Variants in SEZ6L2 observed in about 807,000 individuals in gnomAD.
SEZ6L2 encodes the protein seizure 6-like protein 2.
A neutral mutation model predicts 97.0 loss-of-function variants in SEZ6L2; 44 were observed. The ratio of observed to expected loss-of-function variants is 0.45; its 90% confidence interval spans 0.36 to 0.58. The LOEUF (loss-of-function observed/expected upper bound fraction) is 0.58, where lower values mean the gene tolerates loss of function less well. Ranked by LOEUF, SEZ6L2 falls within the 20% of genes least tolerant of loss-of-function variation. The pLI is 0.00. For missense variants in SEZ6L2, 1,086 were observed against 1,233.3 expected (o/e 0.88, Z 1.79); for synonymous variants, 543 against 546.1 (o/e 0.99, Z 0.08).
chr16:29,885,461 G>A, intron 8 of SEZ6L2, 125 bp downstream of exon 8: 1 of 1,039,094 alleles, frequency 9.6e-7, no homozygotes, highest in Non-Finnish European at 1.4e-6. Context: ...AGGGAAGCGA[G>A]TCACGTTTCA....
chr16:29,877,347 G>T lies in SEZ6L2; in HGVS notation c.1833C>A (p.Asp611Glu), dbSNP rs1304809994. Reference protein sequence around the residue: ...PRRRLLSSGPDLTLQFQAPPG... With the variant: ...PRRRLLSSGPELTLQFQAPPG... ...GCGGTGCCTGAAACTGCAGTGTGAG[G>T]TCGGGCCCAGAGGAGAGAAGGCGGC... Residue 611 changes from aspartate to glutamate, a missense_variant, in exon 11 of 18, where the codon GAC becomes GAA. Physicochemically the swap from Asp to Glu is conservative, Grantham distance 45 (BLOSUM62 2). This residue lies in a region of SEZ6L2 where 310 missense variants were observed against 438.6 expected (regional missense o/e 0.71). Transcript: ENST00000617533. 4 of 1,613,186 alleles carry T rather than the reference G, an allele frequency of 2.5e-6. No homozygotes were observed. Among genetic ancestry groups the T allele is most frequent in the Non-Finnish European group, 3.4e-6 (4 of 1,179,666 alleles).
At position 29,873,466 on chromosome 16, in the gene SEZ6L2, C is replaced by T; in HGVS notation, c.2297-35G>A. 6.2e-7 allele frequency: 1 copy of T among 1,614,046 alleles called. No individual in the cohort carries two copies. Among genetic ancestry groups the T allele is most frequent in the Non-Finnish European group, 8.5e-7 (1 of 1,179,924 alleles). ...GCATGCCAGTCACGTGCCAGCTGCA[C>T]TACTGTGCACGGGGCAGACGGGCTC... On this transcript the variant is annotated intron_variant, in intron 13 of 17. Transcript: ENST00000617533. The surrounding 1 kb of genome is among the most constrained non-coding windows in gnomAD (Gnocchi z 4.3).
Position 29,899,086 on chromosome 16 carries a change from C to A in SEZ6L2, c.-67G>T. ...AATCTGGCTGCCACCTTTCCTCCGT[C>A]TCCGTTTATCTTTCCCTTTAATTGT... On this transcript the variant is annotated 5_prime_UTR_variant, in exon 1 of 18. Coordinates refer to ENST00000617533, the MANE Select transcript of SEZ6L2 (RefSeq NM_001243332.2). The A allele has an allele frequency of 1.2e-5, 12 of 964,334 alleles. No individual in the cohort carries two copies. Among genetic ancestry groups the A allele is most frequent in the Non-Finnish European group, 1.9e-5 (12 of 641,636 alleles). 59.7% of individuals were successfully genotyped at this position (964,334 alleles called of 1,614,324 possible). A position where few individuals can be genotyped will look rare whatever the true frequency, so the allele number is the denominator to read the frequency against.
rs1275727649 is a variant in SEZ6L2, at chr16:29,886,505, C to G, written c.1209-756G>C. 2.0e-5 allele frequency among the ~76,000 whole-genome samples: 3 copies of G among 151,142 alleles called. No individual in the cohort carries two copies. In the East Asian group the frequency reaches 5.8e-4, roughly 29 times the overall value. The stretch of plus-strand genomic sequence containing the variant: ...CCTGGCTAACACGGTGAAACCCCAA[C>G]TCTACTAAAAAAAAAAGTACAAAAA... On this transcript the variant is annotated intron_variant, in intron 7 of 17. Transcript: ENST00000617533.
chr16:29,888,551 G>A lies in SEZ6L2; in HGVS notation c.1028C>T (p.Pro343Leu), dbSNP rs1423705655. Residue 343 changes from proline to leucine, a missense_variant, in exon 6 of 18, where the codon CCC becomes CTC. Physicochemically the swap from Pro to Leu is moderately conservative, Grantham distance 98. Transcript: ENST00000617533. ...GGCAGGAGACTCACCCATGCAGCTG[G>A]GGGTTTCACCGTTCCAGGATGGCCG... ...GTRPSWNGET[P>L]SCMASCGGTI... is the part of the protein sequence containing the mutation. The A allele has an allele frequency of 1.9e-6, 3 of 1,613,790 alleles. No individual in the cohort carries two copies. In the African/African-American group the frequency reaches 4.0e-5, roughly 22 times the overall value.
chr16:29,872,242 G>A lies in SEZ6L2; in HGVS notation c.2687C>T (p.Ser896Phe), dbSNP rs139955633. Residue 896 changes from serine to phenylalanine, a missense_variant, in exon 17 of 18, where the codon TCC becomes TTC. This residue lies in a region of SEZ6L2 where 310 missense variants were observed against 438.6 expected (regional missense o/e 0.71). Coordinates refer to ENST00000617533, the MANE Select transcript of SEZ6L2 (RefSeq NM_001243332.2). Reference sequence around the variant, plus strand: ...CGACTCCACGGTGATGGGGCTGTAGGAGTGGGAGCCCGAGAAGCCGAAAAG... The same window carrying A: ...CGACTCCACGGTGATGGGGCTGTAGAAGTGGGAGCCCGAGAAGCCGAAAAG... ...KSLFGFSGSHSYSPITVESDF... is the reference protein window; with the variant it reads ...KSLFGFSGSHFYSPITVESDF... The A allele has an allele frequency of 6.2e-7, 1 of 1,612,870 alleles. No homozygotes were observed. The highest frequency in any genetic ancestry group is 1.7e-5 in the Admixed American group (1 of 59,748).
At position 29,897,924 on chromosome 16, in the gene SEZ6L2, G is replaced by GC; in HGVS notation, c.139dup (p.Ala47GlyfsTer3). On this transcript the variant is annotated frameshift_variant, in exon 2 of 18. Transcript: ENST00000617533. LOFTEE classifies it high-confidence loss of function. ...AAGCAGTTCAGCCAGGGCCTCAGAG[G>GC]CCACCGTGGGGGTCTCACTTCCAGG... 6.2e-7 allele frequency: 1 copy of GC among 1,613,598 alleles called. No individual in the cohort carries two copies.
chr16:29,897,039 C>A lies in SEZ6L2; in HGVS notation c.294G>T (p.Pro98=). 2 of 1,580,468 alleles carry A rather than the reference C, an allele frequency of 1.3e-6. No homozygotes were observed. The highest frequency in any genetic ancestry group is 1.7e-6 in the Non-Finnish European group (2 of 1,169,820). The stretch of plus-strand genomic sequence containing the variant: ...CGGCTGTTGTCAGAGGCCCTGTCCC[C>A]GGCTCAGTGGCCCGTGGCAGGGAGG... ...AVPSLPRATE[P]GTGPLTTAVT... Residue 98 remains proline, a synonymous_variant, in exon 3 of 18, where the codon CCG becomes CCT. Coordinates refer to ENST00000617533, the MANE Select transcript of SEZ6L2 (RefSeq NM_001243332.2).
At chr16:29,888,804 C>G (rs1259301115) in intron 5 of SEZ6L2, 79 bp from the exon 6 acceptor site, 5 of 1,336,968 alleles carry the variant, frequency 3.7e-6, no homozygotes, top group Non-Finnish European at 5.1e-6. Flanking sequence ...CACTTCCCCC[C>G]TCTCCTTTCA....
Position 29,887,805 on chromosome 16 carries a change from C to T in SEZ6L2, c.1052G>A (p.Gly351Asp), listed in dbSNP as rs550674684. The T allele has an allele frequency of 1.5e-5, 25 of 1,613,676 alleles. No individual in the cohort carries two copies. The South Asian group carries it at 2.7e-4, about 18-fold the overall frequency. ...GCCCAGGGTGGCATTGTGGATGGTG[C>T]CACCACAGGATGCTGTGGGCAGAGG... ...ETPSCMASCG[G>D]TIHNATLGRI... Residue 351 changes from glycine (G) to aspartate (D), a missense_variant, in exon 7 of 18, where the codon GGC (glycine) becomes GAC (aspartate). Gly to Asp is a moderately conservative substitution (Grantham distance 94, BLOSUM62 -1). Coordinates refer to ENST00000617533, the MANE Select transcript of SEZ6L2 (RefSeq NM_001243332.2).
Position 29,873,221 on chromosome 16 carries a change from GC to G in SEZ6L2, c.2488+18del. On this transcript the variant is annotated intron_variant, in intron 14 of 17. Transcript: ENST00000617533. This position sits in a 1 kb window ranked among gnomAD's most constrained non-coding sequence, Gnocchi z 4.3. Reference sequence around the variant, plus strand: ...TCCCGGACACTGGTGTGCCCCTCCTGCCCTGTCTGGCCAGGCACCTTTGCAG... The same window carrying G: ...TCCCGGACACTGGTGTGCCCCTCCTGCCTGTCTGGCCAGGCACCTTTGCAG... The G allele has an allele frequency of 6.2e-7, 1 of 1,612,770 alleles. No individual in the cohort carries two copies.
chr16:29,893,868 G>A (rs1215244019), intron 5 of SEZ6L2, among the ~76,000 whole-genome samples: 11 of 151,990 alleles, frequency 7.2e-5, no homozygotes, highest in Non-Finnish European at 5.9e-5. Context: ...CGCTGTTTGT[G>A]TTTTTGTTTG....
chr16:29,874,261 A>AACCACCAT (rs1354081198), intron 12 of SEZ6L2, among the ~76,000 whole-genome samples: 2 of 152,178 alleles, frequency 1.3e-5, no homozygotes, highest in Non-Finnish European at 2.9e-5. Context: ...CAAAATATTT[A>AACCACCAT]ACCACCATAC....
intron 8 of SEZ6L2, among the ~76,000 whole-genome samples, 170 bp from the exon 9 acceptor site, chr16:29,880,234 C>A (rs1200928680): frequency 6.6e-6 from 1 of 151,602 alleles, no homozygotes; most frequent in African/African-American, 2.4e-5. Flanking sequence ...ACAACCTTGG[C>A]TCACTGCAGC....
chr16:29,892,180 G>A (rs997832920), intron 5 of SEZ6L2, among the ~76,000 whole-genome samples: 2 of 152,228 alleles, frequency 1.3e-5, no homozygotes, highest in Non-Finnish European at 2.9e-5. Context: ...TGGCTTTTCA[G>A]AGAAACTAAT....
Position 29,899,242 on chromosome 16 carries a change from T to A in SEZ6L2, c.-223A>T. 1 of 516,080 alleles carries A rather than the reference T, an allele frequency of 1.9e-6. No individual in the cohort carries two copies. Among genetic ancestry groups the A allele is most frequent in the South Asian group, 2.2e-5 (1 of 45,536 alleles). The allele number at this position is 516,080 out of a possible 1,614,324, so 32.0% of individuals were successfully genotyped here. On this transcript the variant is annotated 5_prime_UTR_variant, in exon 1 of 18. Coordinates refer to ENST00000617533, the MANE Select transcript of SEZ6L2 (RefSeq NM_001243332.2). ...ACCCCCCTTTGCTCAGTCTCCTCTG[T>A]CCTCTTCTCGCGGCTCTGTGGTGGA...
At chr16:29,895,183 A>C in intron 5 of SEZ6L2, 76 bp downstream of exon 5, 2 of 829,692 alleles carry the variant, frequency 2.4e-6, no homozygotes, top group Non-Finnish European at 3.4e-6. Context: ...TGTCTCAAAA[A>C]AAAAAAAAAA....
chr16:29,897,233 C>A, intron 2 of SEZ6L2, 112 bp from the exon 3 acceptor site: 1 of 974,580 alleles, frequency 1.0e-6, no homozygotes, highest in South Asian at 1.7e-5. Flanking sequence ...AAAAGCCTCC[C>A]GCACAAGGTA....
chr16:29,882,449 T>C (rs1198708814), intron 8 of SEZ6L2, among the ~76,000 whole-genome samples: 1 of 151,394 alleles, frequency 6.6e-6, no homozygotes, highest in Non-Finnish European at 1.5e-5. Flanking sequence ...TGGTGGTACA[T>C]GCCTGTAATC....
Sources: gnomAD v4.1 joint callset for allele counts (sites outside exome capture counted in the v4.1 genomes callset) on GRCh38, gnomAD v4.1.1 for gene constraint, gnomAD v4.1.1 regional missense constraint, Gnocchi (gnomAD v3.1) non-coding constraint, MANE v1.5 for transcripts, NCBI Gene and HGNC (gene_info 2026-07-23, HGNC 2026-07-21) for gene names.